Variants in CDH9 observed in about 807,000 individuals in gnomAD.
CDH9 encodes cadherin 9.
A neutral mutation model predicts 70.9 loss-of-function variants in CDH9; 28 were observed. That is an observed-to-expected ratio of 0.40 (90% CI 0.29 to 0.54). The LOEUF is 0.54. Ranked by LOEUF, CDH9 falls within the 20% of genes least tolerant of loss-of-function variation. The pLI, the probability that CDH9 is intolerant of heterozygous loss-of-function variation, is 0.59. For synonymous variants in CDH9, 409 were observed against 343.1 expected (o/e 1.19, Z -2.12); for missense variants, 874 against 984.4 (o/e 0.89, Z 1.50).
At chr5:26,938,864 A>G (rs535085989) in intron 2 of CDH9, among the ~76,000 whole-genome samples, 2 of 152,146 alleles carry the variant, frequency 1.3e-5, no homozygotes, top group Admixed American at 6.5e-5. Context: ...TGCATCTGGT[A>G]TGATTCCAAT....
intron 3 of CDH9, among the ~76,000 whole-genome samples, chr5:26,911,315 C>A (rs1741049381): frequency 6.6e-6 from 1 of 152,026 alleles, no homozygotes. Context: ...TATATTTGGT[C>A]AAGAATTTTC....
intron 1 of CDH9, among the ~76,000 whole-genome samples, chr5:27,002,535 G>C (rs1742789025): frequency 6.6e-6 from 1 of 152,134 alleles, no homozygotes; most frequent in Non-Finnish European, 1.5e-5. Flanking sequence ...GTCCATCAAT[G>C]ATAGACTGGA....
intron 1 of CDH9, among the ~76,000 whole-genome samples, chr5:27,013,848 C>T (rs1385189979): frequency 6.6e-6 from 1 of 151,920 alleles, no homozygotes; most frequent in Non-Finnish European, 1.5e-5. Context: ...TCCTGTTATT[C>T]CCATTCTATA....
In CDH9 at chr5:26,988,361, T is replaced by C; in HGVS notation, c.-28A>G. 1 of 1,600,766 alleles carries C rather than the reference T, an allele frequency of 6.2e-7. No individual in the cohort carries two copies. The highest frequency in any genetic ancestry group is 8.5e-7 in the Non-Finnish European group (1 of 1,171,570). ...TCTGCAACTTCAGTGGGTTGTCAAATTCAATGTATTGTTTGTTTTTCCTAA... is the reference window on the plus strand; with the variant it reads ...TCTGCAACTTCAGTGGGTTGTCAAACTCAATGTATTGTTTGTTTTTCCTAA... On this transcript the variant is annotated 5_prime_UTR_variant, in exon 2 of 12. Coordinates refer to ENST00000231021, the MANE Select transcript of CDH9 (RefSeq NM_016279.4).
chr5:26,901,502 T>G (rs1480071523), intron 7 of CDH9, among the ~76,000 whole-genome samples: 1 of 151,924 alleles, frequency 6.6e-6, no homozygotes, highest in Non-Finnish European at 1.5e-5. Context: ...GAAAATTAAA[T>G]GGTTATATAT....
At chr5:27,018,962 C>T (rs1000224166) in intron 1 of CDH9, among the ~76,000 whole-genome samples, 3 of 151,806 alleles carry the variant, frequency 2.0e-5, no homozygotes, top group African/African-American at 7.3e-5. Context: ...TTCCTTTGTC[C>T]CAAAGTAAAA....
intron 9 of CDH9, 45 bp from the exon 10 acceptor site, chr5:26,886,128 G>C: frequency 6.5e-7 from 1 of 1,540,492 alleles, no homozygotes. Flanking sequence ...CTAAGGCAAT[G>C]TTCTTGTTAT....
intron 7 of CDH9, 125 bp downstream of exon 7, chr5:26,902,351 T>C (rs1199474159): frequency 1.6e-6 from 1 of 633,026 alleles, no homozygotes; most frequent in East Asian, 2.7e-5. Flanking sequence ...AGTTTGTAAA[T>C]AGTGAGATTA....
chr5:26,890,192 T>C (rs1050244169), intron 8 of CDH9, among the ~76,000 whole-genome samples: 2 of 152,226 alleles, frequency 1.3e-5, no homozygotes, highest in African/African-American at 4.8e-5. Flanking sequence ...AGATTATTTT[T>C]ATGAGGTTAA....
At chr5:26,987,125 T>A (rs940241486) in intron 2 of CDH9, among the ~76,000 whole-genome samples, 2 of 146,396 alleles carry the variant, frequency 1.4e-5, no homozygotes, top group Non-Finnish European at 3.0e-5. Flanking sequence ...ATTTTTGGCC[T>A]GATCTAATTT....
At chr5:26,955,180 A>T (rs138645466) in intron 2 of CDH9, among the ~76,000 whole-genome samples, 1 of 152,156 alleles carries the variant, frequency 6.6e-6, no homozygotes, top group South Asian at 2.1e-4. Flanking sequence ...ATTGGACCCC[A>T]CTATCTGAAA....
intron 10 of CDH9, 42 bp downstream of exon 10, chr5:26,885,924 C>T (rs770766486): frequency 1.3e-6 from 2 of 1,592,010 alleles, no homozygotes; most frequent in Non-Finnish European, 8.6e-7. Context: ...AACTGTGTAT[C>T]TTAAAGTTTC....
At chr5:26,972,430 G>A (rs938269502) in intron 2 of CDH9, among the ~76,000 whole-genome samples, 1 of 152,048 alleles carries the variant, frequency 6.6e-6, no homozygotes, top group Non-Finnish European at 1.5e-5. Flanking sequence ...CAGTATATGT[G>A]GGGGCTGAGT....
chr5:26,890,500 T>C lies in CDH9; in HGVS notation c.1318A>G (p.Ile440Val), dbSNP rs980224696. 1 of 1,610,604 alleles carries C rather than the reference T, an allele frequency of 6.2e-7. No homozygotes were observed. Among genetic ancestry groups the C allele is most frequent in the African/African-American group, 1.3e-5 (1 of 74,838 alleles). ...IFGIHSENGS[I>V]FTLKALDRES... ...CGGTCAAGGGCTTTCAAAGTGAAAATAGAACCATTTTCTGAGTGAATACCA... is the reference window on the plus strand; with the variant it reads ...CGGTCAAGGGCTTTCAAAGTGAAAACAGAACCATTTTCTGAGTGAATACCA... The change falls in exon 8 of 12, where the codon ATT (isoleucine) becomes GTT (valine). Residue 440 changes from isoleucine (I) to valine (V), a missense_variant. Ile to Val is a conservative substitution (Grantham distance 29). Coordinates refer to ENST00000231021, the MANE Select transcript of CDH9 (RefSeq NM_016279.4).
At chr5:26,971,058 T>G (rs1742211335) in intron 2 of CDH9, among the ~76,000 whole-genome samples, 1 of 152,152 alleles carries the variant, frequency 6.6e-6, no homozygotes, top group Non-Finnish European at 1.5e-5. Flanking sequence ...TCAGCTACCT[T>G]TTGTCCTATG....
intron 7 of CDH9, among the ~76,000 whole-genome samples, chr5:26,894,710 TGATAAACCC>T (rs1367803274): frequency 6.6e-6 from 1 of 152,094 alleles, no homozygotes; most frequent in East Asian, 1.9e-4. Flanking sequence ...AGAAAGAGCC[TGATAAACCC>T]TTAACACAGA....
At chr5:26,976,506 T>G (rs1742304810) in intron 2 of CDH9, among the ~76,000 whole-genome samples, 1 of 152,098 alleles carries the variant, frequency 6.6e-6, no homozygotes, top group African/African-American at 2.4e-5. Flanking sequence ...GGTGCGATCT[T>G]GGCTGACGGC....
At chr5:26,997,216 A>G (rs1438077516) in intron 1 of CDH9, among the ~76,000 whole-genome samples, 1 of 152,162 alleles carries the variant, frequency 6.6e-6, no homozygotes, top group Non-Finnish European at 1.5e-5. Context: ...AGTTTAATAA[A>G]TAAACAAGGA....
At chr5:26,990,425 T>A (rs1742561604) in intron 1 of CDH9, among the ~76,000 whole-genome samples, 1 of 152,150 alleles carries the variant, frequency 6.6e-6, no homozygotes, top group African/African-American at 2.4e-5. Context: ...AGTTCCAGAA[T>A]TACAGTAATA....
Sources: allele counts gnomAD v4.1 joint callset (sites outside exome capture counted in the v4.1 genomes callset), GRCh38; gene constraint gnomAD v4.1.1; transcripts MANE v1.5; gene names NCBI Gene and HGNC (gene_info 2026-07-23, HGNC 2026-07-21).